The following SRD5A2 variants were observed in gnomAD, a reference collection of about 807,000 sequenced individuals.
SRD5A2 encodes steroid 5 alpha-reductase 2, also known as 3-oxo-5-alpha-steroid 4-dehydrogenase 2.
In SRD5A2, 30 loss-of-function variants were observed where a neutral mutation model predicts 27.4. The observed-to-expected ratio is 1.10, with a 90% CI of 0.82 to 1.49. The LOEUF is 1.49. Ranked by LOEUF, SRD5A2 falls within the 40% of genes most tolerant of loss-of-function variation. The probability of loss-of-function intolerance (pLI) is 0.00; values close to 1 mark genes in which losing one functional copy is unlikely to be tolerated. For synonymous variants in SRD5A2, 141 were observed against 133.6 expected (o/e 1.06, Z -0.38); for missense variants, 348 against 323.4 (o/e 1.08, Z -0.58).
At chr2:31,652,634 ATTGGATACGG>A in the SRD5A2 span, among the ~76,000 whole-genome samples, 1 of 152,208 alleles carries the variant, frequency 6.6e-6, no homozygotes, top group Non-Finnish European at 1.5e-5. Context: ...TAACTACCTA[ATTGGATACGG>A]TTGAAATGCA....
chr2:31,571,577 A>G (rs548402239), intron 1 of SRD5A2, among the ~76,000 whole-genome samples: 1 of 152,360 alleles, frequency 6.6e-6, no homozygotes, highest in Non-Finnish European at 1.5e-5. Flanking sequence ...AAGAGAGTAA[A>G]CATGCAACTT....
chr2:31,626,979 G>C, the SRD5A2 span, among the ~76,000 whole-genome samples: 1 of 152,064 alleles, frequency 6.6e-6, no homozygotes, highest in African/African-American at 2.4e-5. Flanking sequence ...CTGTGAATCT[G>C]TCTGGTCCTG....
intron 1 of SRD5A2, among the ~76,000 whole-genome samples, chr2:31,538,646 T>A (rs1294378937): frequency 1.3e-5 from 2 of 152,188 alleles, no homozygotes; most frequent in East Asian, 3.9e-4. Flanking sequence ...CCCAACTACA[T>A]CTCTGCTCTC....
the SRD5A2 span, among the ~76,000 whole-genome samples, chr2:31,629,843 T>C: frequency 6.6e-6 from 1 of 152,172 alleles, no homozygotes; most frequent in African/African-American, 2.4e-5. Context: ...TGAGTCTACT[T>C]CCTCTGATCC....
intron 1 of SRD5A2, among the ~76,000 whole-genome samples, chr2:31,579,961 G>A (rs1667036366): frequency 6.6e-6 from 1 of 152,188 alleles, no homozygotes; most frequent in Non-Finnish European, 1.5e-5. Flanking sequence ...TGAATTGGTG[G>A]TGTGCTTGGT....
the SRD5A2 span, among the ~76,000 whole-genome samples, chr2:31,660,736 T>C: frequency 2.6e-5 from 4 of 152,060 alleles, no homozygotes; most frequent in African/African-American, 4.8e-5. Context: ...TTATTCACTA[T>C]AGGATTATTT....
At chr2:31,536,079 T>C (rs1439798359) in intron 1 of SRD5A2, among the ~76,000 whole-genome samples, 3 of 152,210 alleles carry the variant, frequency 2.0e-5, no homozygotes, top group Admixed American at 2.0e-4. Flanking sequence ...CAGGAAAAAG[T>C]AACTGATACA....
At chr2:31,643,655 A>G in the SRD5A2 span, among the ~76,000 whole-genome samples, 1 of 152,184 alleles carries the variant, frequency 6.6e-6, no homozygotes, top group African/African-American at 2.4e-5. Flanking sequence ...ATATATAATG[A>G]ACACAGAACA....
the SRD5A2 span, among the ~76,000 whole-genome samples, chr2:31,629,211 C>T: frequency 6.6e-6 from 1 of 152,114 alleles, no homozygotes; most frequent in African/African-American, 2.4e-5. Context: ...TCTTCCACGA[C>T]CCATGGCTTC....
chr2:31,595,935 C>A, the SRD5A2 span, among the ~76,000 whole-genome samples: 1 of 152,114 alleles, frequency 6.6e-6, no homozygotes, highest in Non-Finnish European at 1.5e-5. Flanking sequence ...ACCACATAAA[C>A]AAATTTATAA....
At chr2:31,585,479 T>C (rs1412018403), upstream of SRD5A2, among the ~76,000 whole-genome samples, 1 of 152,034 alleles carries the variant, frequency 6.6e-6, no homozygotes, top group Non-Finnish European at 1.5e-5. Context: ...ACAACAGATA[T>C]GGCACCAGTC....
At chr2:31,589,840 T>C in the SRD5A2 span, among the ~76,000 whole-genome samples, 6 of 152,026 alleles carry the variant, frequency 3.9e-5, no homozygotes, top group African/African-American at 1.4e-4. Flanking sequence ...CCCTGCTTGC[T>C]TTCTCAGTGG....
chr2:31,640,861 CA>C, the SRD5A2 span, among the ~76,000 whole-genome samples: 23 of 143,990 alleles, frequency 1.6e-4, no homozygotes, highest in East Asian at 1.0e-3. Flanking sequence ...TGGTTTAAGG[CA>C]AAAAAAAAAG....
At chr2:31,536,144 C>T (rs372136862) in intron 1 of SRD5A2, among the ~76,000 whole-genome samples, 126 of 152,214 alleles carry the variant, frequency 8.3e-4, no homozygotes, top group African/African-American at 2.7e-3. Context: ...GCTTTGGGAG[C>T]CTGAAGGTGA....
the SRD5A2 span, among the ~76,000 whole-genome samples, chr2:31,642,036 TTGG>T: frequency 6.6e-6 from 1 of 151,950 alleles, no homozygotes; most frequent in African/African-American, 2.4e-5. Context: ...TGATATGGTA[TTGG>T]TGAAAAGATA....
At chr2:31,587,637 A>G in the SRD5A2 span, among the ~76,000 whole-genome samples, 2 of 152,146 alleles carry the variant, frequency 1.3e-5, no homozygotes, top group African/African-American at 4.8e-5. Context: ...CTCAGCAAAC[A>G]AACACAGGAA....
chr2:31,595,483 A>C, the SRD5A2 span, among the ~76,000 whole-genome samples: 1 of 152,164 alleles, frequency 6.6e-6, no homozygotes, highest in Non-Finnish European at 1.5e-5. Context: ...GGCAATATAC[A>C]ACCCTCCCAG....
Position 31,529,431 on chromosome 2 carries a change from C to T in SRD5A2, c.574G>A (p.Ala192Thr). 1.2e-6 allele frequency: 2 copies of T among 1,613,702 alleles called. No individual in the cohort carries two copies. The highest frequency in any genetic ancestry group is 1.1e-5 in the South Asian group (1 of 91,002). ...QGGLFTYVSGANFLGEIIEWI... is the reference protein window; with the variant it reads ...QGGLFTYVSGTNFLGEIIEWI... ...TCAATGATCTCACCGAGGAAATTGG[C>T]TCCAGAAACATACGTAAACAAGCCA... Residue 192 changes from alanine to threonine, a missense_variant, in exon 4 of 5, where the codon GCC becomes ACC. By Grantham distance (58) the Ala-to-Thr change is moderately conservative. Transcript: ENST00000622030.
chr2:31,649,945 T>G, the SRD5A2 span, among the ~76,000 whole-genome samples: 1 of 147,916 alleles, frequency 6.8e-6, no homozygotes, highest in East Asian at 2.0e-4. Context: ...TTATTAATGA[T>G]CAACATTTCT....
Sources: gnomAD v4.1 joint callset for allele counts (sites outside exome capture counted in the v4.1 genomes callset) on GRCh38, gnomAD v4.1.1 for gene constraint, MANE v1.5 for transcripts, NCBI Gene and HGNC (gene_info 2026-07-23, HGNC 2026-07-21) for gene names.